The following UPF2 variants were observed in gnomAD, a reference collection of about 807,000 sequenced individuals.
UPF2 encodes UPF2 regulator of nonsense mediated mRNA decay, also known as regulator of nonsense transcripts 2.
In UPF2, 17 loss-of-function variants were observed where a neutral mutation model predicts 141.4. The ratio of observed to expected loss-of-function variants is 0.12; its 90% CI spans 0.08 to 0.18. UPF2 has a LOEUF of 0.18. Among genes scored for constraint, UPF2 ranks in the 10% least tolerant of loss-of-function variants. The pLI is 1.00. For synonymous variants in UPF2, 540 were observed against 498.0 expected, an observed-to-expected ratio of 1.08 and a Z score of -1.12; for missense variants, 1,152 against 1,515.9, an observed-to-expected ratio of 0.76 and a Z score of 3.99.
chr10:12,021,975 G>A (rs543054954), intron 3 of UPF2, among the ~76,000 whole-genome samples: 1 of 151,580 alleles, frequency 6.6e-6, no homozygotes, highest in South Asian at 2.1e-4. Flanking sequence ...CCCTGTCTCT[G>A]CTAAAAATAC....
intron 11 of UPF2, among the ~76,000 whole-genome samples, chr10:11,963,501 T>A (rs1218286004): frequency 1.3e-5 from 2 of 152,200 alleles, no homozygotes; most frequent in Non-Finnish European, 1.5e-5. Context: ...CACGCCTGGC[T>A]AGTTCTAAAA....
In UPF2 at chr10:11,921,139, G is replaced by T; in HGVS notation, c.*159C>A. ...CTTGTTCCGGTGTTGGCAGAGGCTG[G>T]TGTTTCTGCCTCCTGGCCCCAGCCT... On this transcript the variant is annotated 3_prime_UTR_variant, in exon 22 of 22. Coordinates refer to ENST00000357604, the MANE Select transcript of UPF2 (RefSeq NM_015542.4). The surrounding 1 kb of genome is among the most constrained non-coding windows in gnomAD (Gnocchi z 5.9). The T allele has an allele frequency of 1.0e-6, 1 of 974,622 alleles. No individual in the cohort carries two copies. Among genetic ancestry groups the T allele is most frequent in the Non-Finnish European group, 1.7e-6 (1 of 597,074 alleles). 60.4% of individuals were successfully genotyped at this position (974,622 alleles called of 1,614,324 possible).
At chr10:12,026,646 CTTTTTT>C (rs760035093) in intron 3 of UPF2, 6 of 389,662 alleles carry the variant, frequency 1.5e-5, no homozygotes, top group African/African-American at 2.4e-5. Flanking sequence ...TTCCTATAAA[CTTTTTT>C]TTTTTTTTTT....
At chr10:11,987,923 A>G (rs1042773641) in intron 8 of UPF2, among the ~76,000 whole-genome samples, 19 of 152,186 alleles carry the variant, frequency 1.2e-4, no homozygotes, top group African/African-American at 4.3e-4. Context: ...AACTACATCA[A>G]ACTTTAAAAA....
chr10:11,967,489 A>C (rs754398559), intron 9 of UPF2, 35 bp from the exon 10 acceptor site: 12 of 1,260,014 alleles, frequency 9.5e-6, no homozygotes, highest in South Asian at 2.8e-5. Context: ...ATGCTTAATC[A>C]ACATTTTGAA....
chr10:11,985,672 T>G (rs1197838881), intron 8 of UPF2, among the ~76,000 whole-genome samples: 1 of 151,636 alleles, frequency 6.6e-6, no homozygotes, highest in Non-Finnish European at 1.5e-5. Flanking sequence ...TTCTTCGTGT[T>G]CTGTCTTCCA....
chr10:11,927,589 A>G (rs1050139420), intron 21 of UPF2, among the ~76,000 whole-genome samples: 1 of 152,246 alleles, frequency 6.6e-6, no homozygotes, highest in Non-Finnish European at 1.5e-5. Flanking sequence ...TAGTGTCCAC[A>G]TTTTAGCAGC....
chr10:12,011,189 C>T (rs556510744), intron 4 of UPF2, among the ~76,000 whole-genome samples: 3 of 152,328 alleles, frequency 2.0e-5, no homozygotes, highest in East Asian at 3.9e-4. Flanking sequence ...GACAGGGTCT[C>T]GCTATGTTAC....
intron 5 of UPF2, among the ~76,000 whole-genome samples, chr10:12,002,153 C>A (rs912545782): frequency 6.6e-6 from 1 of 152,054 alleles, no homozygotes; most frequent in Non-Finnish European, 1.5e-5. Context: ...TGTCTGTAAT[C>A]CCAGCTACTC....
At chr10:12,041,349 A>C (rs1156577376) in intron 1 of UPF2, among the ~76,000 whole-genome samples, 13 of 152,236 alleles carry the variant, frequency 8.5e-5, no homozygotes, top group Admixed American at 8.5e-4. Flanking sequence ...AATTATATTC[A>C]GACTACCCTT....
At chr10:11,948,928 G>A (rs1021983533) in intron 15 of UPF2, among the ~76,000 whole-genome samples, 9 of 152,042 alleles carry the variant, frequency 5.9e-5, no homozygotes, top group Non-Finnish European at 2.9e-5. Context: ...CAAAAGACAT[G>A]AAAAAAATCG....
intron 2 of UPF2, among the ~76,000 whole-genome samples, chr10:12,031,092 T>C (rs1369743117): frequency 6.9e-6 from 1 of 144,928 alleles, no homozygotes; most frequent in Non-Finnish European, 1.5e-5. Flanking sequence ...GAGAATGGCA[T>C]GAACCCGGGA....
At chr10:11,986,778 C>A (rs940417682) in intron 8 of UPF2, among the ~76,000 whole-genome samples, 2 of 152,206 alleles carry the variant, frequency 1.3e-5, no homozygotes, top group African/African-American at 4.8e-5. Flanking sequence ...GTTTCCAACA[C>A]AACAGCGCCA....
At chr10:12,034,639 C>T (rs1322237188) in intron 2 of UPF2, among the ~76,000 whole-genome samples, 2 of 152,130 alleles carry the variant, frequency 1.3e-5, no homozygotes, top group East Asian at 3.9e-4. Context: ...AACGCCATCT[C>T]TACAAAAATA....
chr10:11,980,017 C>T lies in UPF2; in HGVS notation c.1845-852G>A, dbSNP rs796194245. Among the ~76,000 whole-genome samples the T allele has an allele frequency of 6.6e-6, 1 of 152,212 alleles. No homozygotes were observed. Among genetic ancestry groups the T allele is most frequent in the African/African-American group, 2.4e-5 (1 of 41,522 alleles). Reference sequence around the variant, plus strand: ...TATGTATTTCAACTCATTACAGAACCCACTCAGATCTTCATTCAGGATCTT... The same window carrying T: ...TATGTATTTCAACTCATTACAGAACTCACTCAGATCTTCATTCAGGATCTT... On this transcript the variant is annotated intron_variant, in intron 8 of 21. Coordinates refer to ENST00000357604, the MANE Select transcript of UPF2 (RefSeq NM_015542.4). The surrounding 1 kb of genome is among the most constrained non-coding windows in gnomAD (Gnocchi z 4.2).
rs1373403999 is a variant in UPF2, at chr10:12,035,319, C to G, written c.105G>C (p.Glu35Asp). 1 of 1,613,912 alleles carries G rather than the reference C, an allele frequency of 6.2e-7. No individual in the cohort carries two copies. Among genetic ancestry groups the G allele is most frequent in the Non-Finnish European group, 8.5e-7 (1 of 1,180,020 alleles). ...CSERRTVSSK[E>D]RPKDDIKLTA... Reference sequence around the variant, plus strand: ...TGAGCTTGATATCGTCTTTTGGCCTCTCCTTGCTGCTCACTGTCCGCCTTT... The same window carrying G: ...TGAGCTTGATATCGTCTTTTGGCCTGTCCTTGCTGCTCACTGTCCGCCTTT... The change falls in exon 2 of 22, where the codon GAG (glutamate) becomes GAC (aspartate). Residue 35 changes from glutamate (E) to aspartate (D), a missense_variant. Glu to Asp is a conservative substitution (Grantham distance 45, BLOSUM62 2). Coordinates refer to ENST00000357604, the MANE Select transcript of UPF2 (RefSeq NM_015542.4).
intron 9 of UPF2, among the ~76,000 whole-genome samples, chr10:11,971,477 C>G (rs899515785): frequency 7.9e-5 from 12 of 152,124 alleles, no homozygotes; most frequent in Non-Finnish European, 1.5e-4. Context: ...TGGCCGAACT[C>G]CTGACCTCAG....
chr10:12,012,813 AC>A (rs1196633511), intron 4 of UPF2, among the ~76,000 whole-genome samples: 13 of 151,136 alleles, frequency 8.6e-5, no homozygotes, highest in South Asian at 2.1e-4. Flanking sequence ...AAAAAAAAAA[AC>A]ATTTAAAAAG....
chr10:12,025,479 A>G (rs1397196615), intron 3 of UPF2, among the ~76,000 whole-genome samples: 3 of 152,076 alleles, frequency 2.0e-5, no homozygotes, highest in African/African-American at 7.2e-5. Flanking sequence ...TTAACCCGGG[A>G]GGCAAAGGTT....
Sources: gnomAD v4.1 joint callset for allele counts (sites outside exome capture counted in the v4.1 genomes callset) on GRCh38, gnomAD v4.1.1 for gene constraint, Gnocchi (gnomAD v3.1) non-coding constraint, MANE v1.5 for transcripts, NCBI Gene and HGNC (gene_info 2026-07-23, HGNC 2026-07-21) for gene names.